NBAS: variants seen among roughly 807,000 people sequenced by gnomAD.
NBAS encodes NAG/BC035112 fusion.
Under a neutral mutation model 302.5 loss-of-function variants are expected in NBAS, and 219 were observed. The observed-to-expected ratio is 0.72, with a 90% CI of 0.65 to 0.81. The LOEUF is 0.81. NBAS is among the 30% of genes least tolerant of loss of function. The pLI is 0.00. For missense variants in NBAS, 2,932 were observed against 2,841.6 expected (o/e 1.03, Z -0.72); for synonymous variants, 1,118 against 1,021.6 (o/e 1.09, Z -1.80).
At chr2:15,193,102 T>A (rs1162905493) in intron 48 of NBAS, among the ~76,000 whole-genome samples, 2 of 152,198 alleles carry the variant, frequency 1.3e-5, no homozygotes, top group Admixed American at 6.5e-5. Context: ...AAAATGTATT[T>A]GATAAATTAT....
At chr2:15,379,531 A>T (rs1674924772) in intron 30 of NBAS, 71 bp downstream of exon 30, 1 of 1,431,224 alleles carries the variant, frequency 7.0e-7, no homozygotes, top group Non-Finnish European at 9.8e-7. Context: ...GGTAAAGAAA[A>T]GAATAACAAT....
chr2:15,208,758 T>G (rs1385559392), intron 48 of NBAS, among the ~76,000 whole-genome samples: 1 of 152,012 alleles, frequency 6.6e-6, no homozygotes, highest in African/African-American at 2.4e-5. Flanking sequence ...CAAATGATAA[T>G]GGAAACATAA....
chr2:15,178,246 T>G, intron 51 of NBAS: 1 of 448,894 alleles, frequency 2.2e-6, no homozygotes, highest in Non-Finnish European at 4.5e-6. Flanking sequence ...TATGTGTGCA[T>G]GTATGTGTAT....
chr2:15,488,421 AAC>A (rs1306733099), intron 12 of NBAS, among the ~76,000 whole-genome samples: 1 of 152,186 alleles, frequency 6.6e-6, no homozygotes, highest in African/African-American at 2.4e-5. Flanking sequence ...CCAGGACACT[AAC>A]AAAGAGTTCC....
chr2:15,274,871 T>G (rs1265860686), intron 44 of NBAS, among the ~76,000 whole-genome samples: 4 of 151,860 alleles, frequency 2.6e-5, no homozygotes, highest in Admixed American at 2.6e-4. Flanking sequence ...TTCAAGCAAT[T>G]CTCCTGCCTC....
the NBAS span, among the ~76,000 whole-genome samples, chr2:15,037,186 C>G: frequency 6.6e-6 from 1 of 152,124 alleles, no homozygotes; most frequent in Admixed American, 6.5e-5. Context: ...CTCCATGACC[C>G]CTAAAGTTTC....
the NBAS span, among the ~76,000 whole-genome samples, chr2:15,026,587 A>G: frequency 6.6e-6 from 1 of 151,964 alleles, no homozygotes; most frequent in African/African-American, 2.4e-5. Context: ...TGTTGAACCA[A>G]CCTTGCATCC....
chr2:14,790,148 G>A, the NBAS span, among the ~76,000 whole-genome samples: 2 of 152,292 alleles, frequency 1.3e-5, no homozygotes, highest in East Asian at 3.9e-4. Flanking sequence ...TTCCAACTTA[G>A]GGTTCTCTGA....
At chr2:15,206,961 A>G (rs1033115635) in intron 48 of NBAS, among the ~76,000 whole-genome samples, 4 of 152,192 alleles carry the variant, frequency 2.6e-5, no homozygotes, top group African/African-American at 9.6e-5. Flanking sequence ...CAGAGTCACC[A>G]CTGGGGCACT....
chr2:15,406,077 T>C (rs1477099019), intron 25 of NBAS, among the ~76,000 whole-genome samples: 44 of 74,834 alleles, frequency 5.9e-4, no homozygotes, highest in Non-Finnish European at 3.5e-4. Flanking sequence ...AAAGTTCAGA[T>C]AGAAAAACAA....
chr2:15,500,904 A>G (rs1202548813), intron 11 of NBAS, among the ~76,000 whole-genome samples: 1 of 151,612 alleles, frequency 6.6e-6, no homozygotes, highest in African/African-American at 2.4e-5. Flanking sequence ...AGCCTGGGTG[A>G]CAGAGTGAGA....
chr2:15,498,241 T>C (rs1681143602), intron 11 of NBAS, among the ~76,000 whole-genome samples: 1 of 152,128 alleles, frequency 6.6e-6, no homozygotes, highest in Non-Finnish European at 1.5e-5. Context: ...GATGCTAGAG[T>C]TCCACTTGCT....
At chr2:14,898,322 A>G in the NBAS span, among the ~76,000 whole-genome samples, 7 of 152,208 alleles carry the variant, frequency 4.6e-5, 1 homozygote, top group Admixed American at 2.0e-4. Flanking sequence ...TTTTCCTAGT[A>G]AGACTTGAGA....
At chr2:15,346,090 G>A (rs370189678) in intron 35 of NBAS, among the ~76,000 whole-genome samples, 335 of 152,130 alleles carry the variant, frequency 2.2e-3, no homozygotes, top group African/African-American at 7.6e-3. Context: ...TCAGGACATC[G>A]GCAAGGGCAA....
intron 51 of NBAS, among the ~76,000 whole-genome samples, chr2:15,169,752 T>G (rs1031897455): frequency 6.6e-6 from 1 of 152,218 alleles, no homozygotes; most frequent in Non-Finnish European, 1.5e-5. Context: ...GGTGGTCACA[T>G]GCTAGGAGCT....
At chr2:15,489,878 T>C (rs934735890) in intron 11 of NBAS, among the ~76,000 whole-genome samples, 1 of 152,160 alleles carries the variant, frequency 6.6e-6, no homozygotes, top group Non-Finnish European at 1.5e-5. Context: ...AGGCATTTGT[T>C]AAGAACAGGG....
chr2:15,327,572 A>C (rs1015295468), intron 38 of NBAS, among the ~76,000 whole-genome samples, 178 bp downstream of exon 38: 24 of 152,224 alleles, frequency 1.6e-4, no homozygotes, highest in African/African-American at 5.5e-4. Flanking sequence ...GCAGGTTCTC[A>C]ATAAGTGTTT....
At chr2:15,555,305 G>A (rs13026732) in intron 3 of NBAS, among the ~76,000 whole-genome samples, 78,560 of 150,950 alleles carry the variant, frequency 0.52, 23,352 homozygotes, top group Non-Finnish European at 0.67. Context: ...GTACATTTAC[G>A]CTCATTTTTT....
chr2:15,286,280 C>T (rs1335729063), intron 42 of NBAS, among the ~76,000 whole-genome samples: 1 of 152,164 alleles, frequency 6.6e-6, no homozygotes, highest in Non-Finnish European at 1.5e-5. Flanking sequence ...ATATGTCCAC[C>T]CTAACTTTCC....
Sources: gnomAD v4.1 joint callset for allele counts (sites outside exome capture counted in the v4.1 genomes callset) on GRCh38, gnomAD v4.1.1 for gene constraint, MANE v1.5 for transcripts, NCBI Gene and HGNC (gene_info 2026-07-23, HGNC 2026-07-21) for gene names.